Variants in ZZEF1 observed in about 807,000 individuals in gnomAD.
The protein encoded by ZZEF1 is zinc finger ZZ-type and EF-hand domain-containing protein 1.
A neutral mutation model predicts 342.8 loss-of-function variants in ZZEF1; 157 were observed. That is an observed-to-expected ratio of 0.46 (90% CI 0.40 to 0.52). The LOEUF is 0.52. Ranked by LOEUF, ZZEF1 falls within the 20% of genes least tolerant of loss-of-function variation. ZZEF1 has a pLI of 0.00. For synonymous variants in ZZEF1, 1,505 were observed against 1,429.1 expected, an observed-to-expected ratio of 1.05 and a Z score of -1.20; for missense variants, 3,480 against 3,725.6, an observed-to-expected ratio of 0.93 and a Z score of 1.72.
Position 4,062,896 on chromosome 17 carries a change from C to A in ZZEF1, c.4740G>T (p.Leu1580=). ...SHRSVVKVLS[L]RKAQAQSILE... ...GGATGCTCTGGGCCTGGGCTTTCCT[C>A]AGGGAAAGAACCTTCACAACACTGG... Residue 1580 remains leucine (L), a synonymous_variant, in exon 30 of 55, where the codon CTG becomes CTT. Transcript: ENST00000381638. The A allele has an allele frequency of 1.2e-6, 2 of 1,611,790 alleles. No individual in the cohort carries two copies. Among genetic ancestry groups the A allele is most frequent in the Non-Finnish European group, 8.5e-7 (1 of 1,179,230 alleles).
intron 39 of ZZEF1, among the ~76,000 whole-genome samples, chr17:4,040,958 C>G (rs1445810241): frequency 6.6e-6 from 1 of 152,184 alleles, no homozygotes; most frequent in Non-Finnish European, 1.5e-5. Flanking sequence ...AGGTGCAGCT[C>G]TAATTGACAC....
At chr17:4,127,725 G>C (rs1433144785) in intron 1 of ZZEF1, among the ~76,000 whole-genome samples, 2 of 152,180 alleles carry the variant, frequency 1.3e-5, no homozygotes, top group East Asian at 3.9e-4. Flanking sequence ...TAGGGACACT[G>C]ATGTTTACTT....
chr17:4,036,101 G>A lies in ZZEF1; in HGVS notation c.6307-1809C>T, dbSNP rs1428713717. 5.4e-5 allele frequency among the ~76,000 whole-genome samples: 8 copies of A among 146,994 alleles called. No individual in the cohort carries two copies. In the Admixed American group the frequency reaches 5.4e-4, roughly 10 times the overall value. On this transcript the variant is annotated intron_variant, in intron 39 of 54. Coordinates refer to ENST00000381638, the MANE Select transcript of ZZEF1 (RefSeq NM_015113.4). ...TCCAAAAAAAAAAAAAAAAAGAGTC[G>A]AAACAAGGAAAGGAGGACACCTCAA...
At chr17:4,060,773 C>T (rs1156780356) in intron 30 of ZZEF1, among the ~76,000 whole-genome samples, 2 of 152,162 alleles carry the variant, frequency 1.3e-5, no homozygotes, top group Non-Finnish European at 2.9e-5. Flanking sequence ...AATTCCCTTA[C>T]CTTTGCACCA....
chr17:4,129,388 A>G (rs1262847014), intron 1 of ZZEF1, among the ~76,000 whole-genome samples: 1 of 152,258 alleles, frequency 6.6e-6, no homozygotes, highest in African/African-American at 2.4e-5. Context: ...GTATATACCC[A>G]GAGGAAGAAA....
At chr17:4,059,555 C>T (rs1454973131) in intron 30 of ZZEF1, among the ~76,000 whole-genome samples, 1 of 152,150 alleles carries the variant, frequency 6.6e-6, no homozygotes, top group East Asian at 1.9e-4. Flanking sequence ...ATCCCTCCCA[C>T]CACTACTTGG....
chr17:4,021,310 A>G lies in ZZEF1; in HGVS notation c.7223T>C (p.Ile2408Thr). 1 of 1,604,376 alleles carries G rather than the reference A, an allele frequency of 6.2e-7. No individual in the cohort carries two copies. Among genetic ancestry groups the G allele is most frequent in the Non-Finnish European group, 8.5e-7 (1 of 1,174,718 alleles). Residue 2408 changes from isoleucine (I) to threonine (T), a missense_variant, in exon 45 of 55, where the codon ATC becomes ACC. Ile to Thr is a moderately conservative substitution (Grantham distance 89). Coordinates refer to ENST00000381638, the MANE Select transcript of ZZEF1 (RefSeq NM_015113.4). ...CTCCTTTTTTGAGGAGTACAGCATG[A>G]TGGACAAAATCTACACAGAAAGAAA... Reference protein sequence around the residue: ...WLLRDLEILSIMLYSSKKEIN... With the variant: ...WLLRDLEILSTMLYSSKKEIN...
At chr17:4,137,414 TC>T (rs1327227678) in intron 1 of ZZEF1, among the ~76,000 whole-genome samples, 1 of 152,034 alleles carries the variant, frequency 6.6e-6, no homozygotes, top group Non-Finnish European at 1.5e-5. Flanking sequence ...ATCGAGACCA[TC>T]CTGGCTAACA....
intron 54 of ZZEF1, 124 bp from the exon 55 acceptor site, chr17:4,007,094 C>T: frequency 2.5e-6 from 2 of 815,044 alleles, no homozygotes; most frequent in Non-Finnish European, 1.9e-6. Context: ...GATGTGTTCC[C>T]CTCCCCCACA....
intron 24 of ZZEF1, among the ~76,000 whole-genome samples, chr17:4,073,627 T>C (rs539422286): frequency 1.2e-4 from 19 of 152,214 alleles, no homozygotes; most frequent in African/African-American, 4.6e-4. Flanking sequence ...TTGGTAAAGA[T>C]AGGGATCTCA....
At chr17:4,098,092 G>A (rs1161354398) in intron 9 of ZZEF1, among the ~76,000 whole-genome samples, 3 of 151,766 alleles carry the variant, frequency 2.0e-5, no homozygotes, top group East Asian at 1.9e-4. Context: ...CACAAAATTC[G>A]CCGGGCGTGG....
At chr17:4,039,918 A>C (rs931383758) in intron 39 of ZZEF1, among the ~76,000 whole-genome samples, 1 of 152,208 alleles carries the variant, frequency 6.6e-6, no homozygotes, top group Non-Finnish European at 1.5e-5. Context: ...TGCTGGGATT[A>C]CAGGCGTGAG....
intron 1 of ZZEF1, among the ~76,000 whole-genome samples, chr17:4,141,664 T>G (rs2058851506): frequency 1.3e-5 from 2 of 151,514 alleles, no homozygotes; most frequent in Admixed American, 1.3e-4. Flanking sequence ...GTAATACATC[T>G]GCAAATCCAA....
chr17:4,011,098 A>T (rs2055940542), intron 52 of ZZEF1, among the ~76,000 whole-genome samples: 1 of 151,856 alleles, frequency 6.6e-6, no homozygotes, highest in Admixed American at 6.6e-5. Context: ...TCTAAAAAAA[A>T]TTAAAGAAAA....
At position 4,014,927 on chromosome 17, in the gene ZZEF1, A is replaced by G. The variant is rs2056062307; in HGVS notation, c.8146-412T>C. Among the ~76,000 whole-genome samples the G allele has an allele frequency of 6.6e-6, 1 of 152,164 alleles. No individual in the cohort carries two copies. The highest frequency in any genetic ancestry group is 1.5e-5 in the Non-Finnish European group (1 of 68,026). On this transcript the variant is annotated intron_variant, in intron 49 of 54. Coordinates refer to ENST00000381638, the MANE Select transcript of ZZEF1 (RefSeq NM_015113.4). The surrounding 1 kb of genome is among the most constrained non-coding windows in gnomAD (Gnocchi z 4.4). ...GTGTTTGGAGTAAAGGGTGTGCTAC[A>G]TGGGCACGTATGCTTGGGAAGCAGG...
chr17:4,076,477 C>A, intron 21 of ZZEF1, 160 bp downstream of exon 21: 1 of 927,276 alleles, frequency 1.1e-6, no homozygotes, highest in Non-Finnish European at 1.6e-6. Flanking sequence ...TCGACTTGGA[C>A]TGACATTCAC....
intron 39 of ZZEF1, among the ~76,000 whole-genome samples, chr17:4,038,808 AAAACAAACAAAC>A (rs148859871): frequency 2.2e-4 from 34 of 151,280 alleles, no homozygotes; most frequent in South Asian, 8.3e-4. Flanking sequence ...TCTGTCTCAA[AAAACAAACAAAC>A]AAACAAACAA....
At chr17:4,077,231 T>C (rs574193982) in intron 19 of ZZEF1, among the ~76,000 whole-genome samples, 3 of 152,148 alleles carry the variant, frequency 2.0e-5, no homozygotes, top group Non-Finnish European at 4.4e-5. Context: ...AGAGGAGCAC[T>C]TGTAGAAGTG....
At chr17:4,049,509 T>TCAAAA (rs1438408320) in intron 37 of ZZEF1, among the ~76,000 whole-genome samples, 199 bp downstream of exon 37, 1 of 151,998 alleles carries the variant, frequency 6.6e-6, no homozygotes, top group African/African-American at 2.4e-5. Flanking sequence ...AGACCCTGTT[T>TCAAAA]CAAAACAAAA....
Sources: allele counts gnomAD v4.1 joint callset (sites outside exome capture counted in the v4.1 genomes callset), GRCh38; gene constraint gnomAD v4.1.1; non-coding constraint Gnocchi (gnomAD v3.1); transcripts MANE v1.5; gene names NCBI Gene and HGNC (gene_info 2026-07-23, HGNC 2026-07-21).